Variants in OSBP2 observed in about 807,000 individuals in gnomAD.
The protein encoded by OSBP2 is oxysterol-binding protein 2.
In OSBP2, 66 loss-of-function variants were observed where a neutral mutation model predicts 96.0. The ratio of observed to expected loss-of-function variants is 0.69; its 90% confidence interval spans 0.56 to 0.84. The LOEUF (loss-of-function observed/expected upper bound fraction) is 0.84, where lower values mean the gene tolerates loss of function less well. OSBP2 is among the 40% of genes least tolerant of loss of function. The pLI is 0.00. For missense variants in OSBP2, 1,038 were observed against 1,222.7 expected (o/e 0.85, Z 2.25); for synonymous variants, 525 against 520.9 (o/e 1.01, Z -0.11).
At position 30,881,108 on chromosome 22, in the gene OSBP2, G is replaced by T. The variant is rs1434726109; in HGVS notation, c.1108-6318G>T. ...CTCCCTGCCCTCCCCATGGAGACAG[G>T]ACCACACTGCCCAGGGGCTCTGCAC... On this transcript the variant is annotated intron_variant, in intron 3 of 13. Transcript: ENST00000332585. The surrounding 1 kb of genome is among the most constrained non-coding windows in gnomAD (Gnocchi z 4.5). Among the ~76,000 whole-genome samples the T allele has an allele frequency of 1.3e-5, 2 of 152,144 alleles. No individual in the cohort carries two copies. The highest frequency in any genetic ancestry group is 2.9e-5 in the Non-Finnish European group (2 of 68,008).
intron 3 of OSBP2, among the ~76,000 whole-genome samples, chr22:30,885,736 G>A (rs956553442): frequency 3.3e-5 from 5 of 152,352 alleles, no homozygotes; most frequent in African/African-American, 9.6e-5. Context: ...GGACGTGGCC[G>A]CAGAATGCTC....
intron 2 of OSBP2, among the ~76,000 whole-genome samples, chr22:30,794,794 C>CA (rs751106031): frequency 2.7e-3 from 350 of 131,488 alleles, no homozygotes; most frequent in Non-Finnish European, 3.7e-3. Flanking sequence ...GAGACCGTCT[C>CA]AAAAAAAAAA....
At chr22:30,794,376 T>C (rs531269852) in intron 2 of OSBP2, among the ~76,000 whole-genome samples, 240 of 151,478 alleles carry the variant, frequency 1.6e-3, no homozygotes, top group African/African-American at 5.7e-3. Context: ...GTGATTCTCC[T>C]GCCTCAGCCT....
Position 30,890,650 on chromosome 22 carries a change from G to A in OSBP2, c.1624-78G>A. ...GTGCTGTCTGAGCAGGGATGTCCCT[G>A]AACATCCGAGAAAAGCAAGGGCACC... On this transcript the variant is annotated intron_variant, in intron 7 of 13. Transcript: ENST00000332585. This position sits in a 1 kb window ranked among gnomAD's most constrained non-coding sequence, Gnocchi z 4.4. The A allele has an allele frequency of 6.5e-7, 1 of 1,536,340 alleles. No homozygotes were observed. Among genetic ancestry groups the A allele is most frequent in the Non-Finnish European group, 8.9e-7 (1 of 1,128,494 alleles).
chr22:30,766,545 C>T (rs1328500399), intron 2 of OSBP2, among the ~76,000 whole-genome samples: 1 of 152,164 alleles, frequency 6.6e-6, no homozygotes, highest in African/African-American at 2.4e-5. Context: ...GCCTGGAGCC[C>T]GTGTAGTGCC....
At chr22:30,815,036 C>G (rs1321609054) in intron 2 of OSBP2, among the ~76,000 whole-genome samples, 1 of 152,096 alleles carries the variant, frequency 6.6e-6, no homozygotes, top group Non-Finnish European at 1.5e-5. Context: ...AATCCCAGCA[C>G]TTTGGGAGGC....
At position 30,811,172 on chromosome 22, in the gene OSBP2, C is replaced by A. The variant is rs974032043; in HGVS notation, c.854-59257C>A. 3.4e-5 allele frequency among the ~76,000 whole-genome samples: 5 copies of A among 148,586 alleles called. 1 individual carries two copies. The Admixed American group carries it at 3.4e-4, about 10-fold the overall frequency. ...CCATATAAGTATACACAACCCCCCCCCCACACATACATATATAAAAATGAG... is the reference window on the plus strand; with the variant it reads ...CCATATAAGTATACACAACCCCCCCACCACACATACATATATAAAAATGAG... On this transcript the variant is annotated intron_variant, in intron 2 of 13. Coordinates refer to ENST00000332585, the MANE Select transcript of OSBP2 (RefSeq NM_030758.4).
chr22:30,861,299 C>T (rs1024447753), intron 2 of OSBP2, among the ~76,000 whole-genome samples: 2 of 152,152 alleles, frequency 1.3e-5, no homozygotes, highest in East Asian at 3.9e-4. Context: ...GGTGCCCCAT[C>T]CCACAGGCCC....
At chr22:30,845,272 A>G (rs374670719) in intron 2 of OSBP2, among the ~76,000 whole-genome samples, 1 of 152,272 alleles carries the variant, frequency 6.6e-6, no homozygotes, top group South Asian at 2.1e-4. Context: ...TCTACCATAT[A>G]TACAAAAACT....
intron 2 of OSBP2, among the ~76,000 whole-genome samples, chr22:30,788,304 T>C (rs961592980): frequency 3.3e-5 from 5 of 152,112 alleles, no homozygotes; most frequent in Non-Finnish European, 7.3e-5. Context: ...CCCAGTGCCA[T>C]GTTAATCATT....
chr22:30,870,317 C>T lies in OSBP2; in HGVS notation c.854-112C>T, dbSNP rs1253554583. On this transcript the variant is annotated intron_variant, in intron 2 of 13. Coordinates refer to ENST00000332585, the MANE Select transcript of OSBP2 (RefSeq NM_030758.4). This position sits in a 1 kb window ranked among gnomAD's most constrained non-coding sequence, Gnocchi z 4.1. ...ACAGGAACGGGCACCATCTCGGGGA[C>T]TGATGTTTTTTGAATGGCGCTATCC... The T allele has an allele frequency of 2.7e-6, 3 of 1,103,410 alleles. No homozygotes were observed. The highest frequency in any genetic ancestry group is 3.1e-5 in the African/African-American group (2 of 64,664). The allele number at this position is 1,103,410 out of a possible 1,614,324, so 68.4% of individuals were successfully genotyped here. A position where few individuals can be genotyped will look rare whatever the true frequency, so the allele number is the denominator to read the frequency against.
At chr22:30,764,398 A>C (rs1447320072) in intron 2 of OSBP2, 1 of 985,162 alleles carries the variant, frequency 1.0e-6, no homozygotes, top group Non-Finnish European at 1.2e-6. Flanking sequence ...AACAGGTAGG[A>C]CTTGGAAGAA....
chr22:30,710,032 A>G (rs1249033391), intron 1 of OSBP2, among the ~76,000 whole-genome samples: 1 of 151,866 alleles, frequency 6.6e-6, no homozygotes, highest in African/African-American at 2.4e-5. Context: ...ATGGGCATGT[A>G]CCACCATGCC....
At chr22:30,822,765 G>T in intron 2 of OSBP2, 1 of 1,419,970 alleles carries the variant, frequency 7.0e-7, no homozygotes, top group South Asian at 1.3e-5. Context: ...GCGCATGCAC[G>T]CCCGGTGCCT....
chr22:30,849,242 C>T (rs374883643), intron 2 of OSBP2, among the ~76,000 whole-genome samples: 1 of 152,034 alleles, frequency 6.6e-6, no homozygotes, highest in Non-Finnish European at 1.5e-5. Flanking sequence ...GCACTTCAGC[C>T]TGGGCAACAG....
rs1421458435 is a variant in OSBP2, at chr22:30,728,766, G to T, written c.645-12395G>T. ...CCTGCCATGGTCTCCCAAAGTGTTG[G>T]GATTATAGGTGTGAGCCACTGCCTC... On this transcript the variant is annotated intron_variant, in intron 1 of 13. Transcript: ENST00000332585. 3.9e-5 allele frequency among the ~76,000 whole-genome samples: 6 copies of T among 152,206 alleles called. No homozygotes were observed. The East Asian group carries it at 7.7e-4, about 20-fold the overall frequency.
At chr22:30,768,656 G>A (rs1035608216) in intron 2 of OSBP2, among the ~76,000 whole-genome samples, 1 of 150,938 alleles carries the variant, frequency 6.6e-6, no homozygotes, top group African/African-American at 2.4e-5. Context: ...CAGCCTGGGG[G>A]ACAAGAGCGA....
intron 2 of OSBP2, among the ~76,000 whole-genome samples, chr22:30,817,131 T>A (rs1024864250): frequency 2.6e-5 from 4 of 152,228 alleles, no homozygotes; most frequent in Non-Finnish European, 4.4e-5. Flanking sequence ...TATCACAAAT[T>A]GCTCTCAAAT....
intron 2 of OSBP2, among the ~76,000 whole-genome samples, chr22:30,760,518 G>GA (rs2090193573): frequency 6.6e-6 from 1 of 152,054 alleles, no homozygotes; most frequent in African/African-American, 2.4e-5. Context: ...TTCCATGTTT[G>GA]AAAATCAATA....
Sources: gnomAD v4.1 joint callset for allele counts (sites outside exome capture counted in the v4.1 genomes callset) on GRCh38, gnomAD v4.1.1 for gene constraint, Gnocchi (gnomAD v3.1) non-coding constraint, MANE v1.5 for transcripts, NCBI Gene and HGNC (gene_info 2026-07-23, HGNC 2026-07-21) for gene names.